ADAMTS3: variants seen among roughly 807,000 people sequenced by gnomAD.
The protein encoded by ADAMTS3 is ADAM metallopeptidase with thrombospondin type 1 motif 3, also known as A disintegrin and metalloproteinase with thrombospondin motifs 3.
ADAMTS3 carries 73 observed loss-of-function variants against 129.0 expected under a neutral mutation model. That is an observed-to-expected ratio of 0.57 (90% confidence interval 0.47 to 0.69). ADAMTS3 has a LOEUF of 0.69. Ranked by LOEUF, ADAMTS3 falls within the 30% of genes least tolerant of loss-of-function variation. ADAMTS3 has a pLI of 0.00. For missense variants in ADAMTS3, 1,457 were observed against 1,514.5 expected (o/e 0.96, Z 0.63); for synonymous variants, 477 against 510.8 (o/e 0.93, Z 0.89).
At chr4:72,529,019 G>A (rs1452530133) in intron 3 of ADAMTS3, among the ~76,000 whole-genome samples, 1 of 152,070 alleles carries the variant, frequency 6.6e-6, no homozygotes, top group Non-Finnish European at 1.5e-5. Flanking sequence ...CAGGGTTTCT[G>A]CTTTAGCTAG....
chr4:72,424,381 A>G (rs1286374251), intron 3 of ADAMTS3, among the ~76,000 whole-genome samples: 1 of 152,070 alleles, frequency 6.6e-6, no homozygotes. Flanking sequence ...GTTCTTATCA[A>G]AATACAGGCG....
At chr4:72,325,387 A>G (rs1168516882) in intron 5 of ADAMTS3, among the ~76,000 whole-genome samples, 2 of 152,122 alleles carry the variant, frequency 1.3e-5, no homozygotes, top group African/African-American at 2.4e-5. Context: ...TCATTATCTG[A>G]TAACATATTC....
At chr4:72,490,247 G>A (rs1428109525) in intron 3 of ADAMTS3, among the ~76,000 whole-genome samples, 1 of 151,796 alleles carries the variant, frequency 6.6e-6, no homozygotes. Flanking sequence ...CATGTATTTT[G>A]CATGTTAACC....
chr4:72,533,673 A>ATCTG (rs1721110061), intron 3 of ADAMTS3, among the ~76,000 whole-genome samples: 1 of 151,372 alleles, frequency 6.6e-6, no homozygotes, highest in Non-Finnish European at 1.5e-5. Flanking sequence ...GTATATGCAC[A>ATCTG]TATATGCACA....
rs1362321618 is a variant in ADAMTS3, at chr4:72,283,211, C to T, written c.3543G>A (p.Gln1181=). Residue 1181 remains glutamine (Q), a synonymous_variant, in exon 22 of 22, where the codon CAG becomes CAA. Transcript: ENST00000286657. The part of the protein sequence containing the change: ...AASDSIGASS[Q]ARTSKKDGKI... The stretch of plus-strand genomic sequence containing the variant: ...TTCCATCTTTCTTTGAGGTTCTTGC[C>T]TGAGAAGAAGCACCTATTGAATCAC... 3 of 1,613,846 alleles carry T rather than the reference C, an allele frequency of 1.9e-6. No homozygotes were observed. The South Asian group carries it at 3.3e-5, about 18-fold the overall frequency.
At position 72,405,329 on chromosome 4, in the gene ADAMTS3, G is replaced by GTA. The variant is rs1013745969; in HGVS notation, c.661+9484_661+9485dup. Among the ~76,000 whole-genome samples the GTA allele has an allele frequency of 4.6e-5, 7 of 152,040 alleles. No individual in the cohort carries two copies. In the South Asian group the frequency reaches 6.2e-4, roughly 14 times the overall value. ...TAGATGAATAGATAAAGAAAATGTGGTATATATATACATGGAATATTATCC... is the reference window on the plus strand; with the variant it reads ...TAGATGAATAGATAAAGAAAATGTGGTATATATATATACATGGAATATTATCC... On this transcript the variant is annotated intron_variant, in intron 4 of 21. Coordinates refer to ENST00000286657, the MANE Select transcript of ADAMTS3 (RefSeq NM_014243.3).
chr4:72,387,651 G>A (rs942725014), intron 4 of ADAMTS3, among the ~76,000 whole-genome samples: 22 of 152,108 alleles, frequency 1.4e-4, no homozygotes, highest in Non-Finnish European at 2.1e-4. Flanking sequence ...AGGCTAATTA[G>A]CAAATAGAGG....
At chr4:72,369,358 T>G (rs571548003) in intron 4 of ADAMTS3, among the ~76,000 whole-genome samples, 90 of 152,054 alleles carry the variant, frequency 5.9e-4, no homozygotes, top group Middle Eastern at 6.8e-3. Flanking sequence ...AGGAGACACT[T>G]GCTGCCAACT....
Position 72,281,604 on chromosome 4 carries a change from C to G in ADAMTS3, c.*1532G>C, listed in dbSNP as rs775742719. 1 of 152,136 alleles carries G rather than the reference C, an allele frequency of 6.6e-6. No individual in the cohort carries two copies. The highest frequency in any genetic ancestry group is 1.5e-5 in the Non-Finnish European group (1 of 68,012). The allele number at this position is 152,136 out of a possible 1,614,324, so 9.4% of individuals were successfully genotyped here. ...AATTTAATGTTTCCTTGAAGGGAAACAAGTCATCAACTTAATATCAACTAC... is the reference window on the plus strand; with the variant it reads ...AATTTAATGTTTCCTTGAAGGGAAAGAAGTCATCAACTTAATATCAACTAC... On this transcript the variant is annotated 3_prime_UTR_variant, in exon 22 of 22. Transcript: ENST00000286657.
At chr4:72,485,901 G>A (rs1719578732) in intron 3 of ADAMTS3, among the ~76,000 whole-genome samples, 1 of 152,188 alleles carries the variant, frequency 6.6e-6, no homozygotes, top group African/African-American at 2.4e-5. Context: ...CACCATGTGA[G>A]GATGTAGCAA....
At position 72,550,034 on chromosome 4, in the gene ADAMTS3, GAA is replaced by G. The variant is rs1721590963; in HGVS notation, c.98-1152_98-1151del. On this transcript the variant is annotated intron_variant, in intron 2 of 21. Transcript: ENST00000286657. ...AGAAGAAGAAGAAGAAGAAGAAGAAGAAGAAGAAGAGGAAGAGGAAGAGGAAG... is the reference window on the plus strand; with the variant it reads ...AGAAGAAGAAGAAGAAGAAGAAGAAGGAAGAAGAGGAAGAGGAAGAGGAAG... Among the ~76,000 whole-genome samples, 10 of 5,922 alleles carry G rather than the reference GAA, an allele frequency of 1.7e-3. 1 individual carries two copies. Among genetic ancestry groups the G allele is most frequent in the African/African-American group, 5.8e-3 (9 of 1,558 alleles). 3.9% of individuals were successfully genotyped at this position (5,922 alleles called of 152,430 possible). A position where few individuals can be genotyped will look rare whatever the true frequency, so the allele number is the denominator to read the frequency against.
chr4:72,549,979 AG>A (rs1464462106), intron 2 of ADAMTS3, among the ~76,000 whole-genome samples: 1 of 30,250 alleles, frequency 3.3e-5, no homozygotes, highest in African/African-American at 2.2e-4. Flanking sequence ...AAGAAGAAGA[AG>A]AAGAAGAAGA....
At chr4:72,566,441 T>G (rs1295342394) in intron 2 of ADAMTS3, among the ~76,000 whole-genome samples, 3 of 152,168 alleles carry the variant, frequency 2.0e-5, no homozygotes, top group African/African-American at 7.2e-5. Flanking sequence ...CATGAAACAA[T>G]CAACACTGTG....
chr4:72,565,681 C>T (rs1722005180), intron 2 of ADAMTS3, among the ~76,000 whole-genome samples: 2 of 152,220 alleles, frequency 1.3e-5, no homozygotes. Context: ...TTCAGCACTA[C>T]ACCCTAAGAG....
chr4:72,320,644 C>T (rs1329401000), intron 7 of ADAMTS3, 70 bp downstream of exon 7: 1 of 1,500,940 alleles, frequency 6.7e-7, no homozygotes, highest in East Asian at 2.3e-5. Context: ...TTTGAACAGA[C>T]TGCCTGATTT....
intron 3 of ADAMTS3, among the ~76,000 whole-genome samples, chr4:72,427,654 A>G (rs966690729): frequency 1.4e-4 from 21 of 152,096 alleles, no homozygotes; most frequent in Non-Finnish European, 2.6e-4. Context: ...AAGAAGAAAA[A>G]AAGAAGAGAA....
rs202031187 is a variant in ADAMTS3 at position 72,319,946 on chromosome 4, C to T, written c.1120G>A (p.Gly374Ser). 1.3e-5 allele frequency: 21 copies of T among 1,613,110 alleles called. No homozygotes were observed. Among genetic ancestry groups the T allele is most frequent in the Non-Finnish European group, 1.7e-5 (20 of 1,179,358 alleles). Residue 374 changes from glycine to serine, a missense_variant, in exon 8 of 22, where the codon GGC becomes AGC. Transcript: ENST00000286657. ...AGMQGYAPVT[G>S]MCHPVRSCTL... Reference sequence around the variant, plus strand: ...CAACTTCTCACTGGATGACACATGCCGGTGACTGGAGCATATCCTGTAGAG... The same window carrying T: ...CAACTTCTCACTGGATGACACATGCTGGTGACTGGAGCATATCCTGTAGAG...
chr4:72,489,366 A>G (rs1167029628), intron 3 of ADAMTS3, among the ~76,000 whole-genome samples: 1 of 151,966 alleles, frequency 6.6e-6, no homozygotes, highest in Non-Finnish European at 1.5e-5. Context: ...TCCAGAAGTA[A>G]CAATTCATAA....
intron 3 of ADAMTS3, among the ~76,000 whole-genome samples, chr4:72,530,420 T>C (rs1252480954): frequency 2.4e-5 from 2 of 84,674 alleles, no homozygotes; most frequent in Admixed American, 4.5e-4. Flanking sequence ...ATATAATATA[T>C]ATTAAATTAA....
Sources: gnomAD v4.1 joint callset for allele counts (sites outside exome capture counted in the v4.1 genomes callset) on GRCh38, gnomAD v4.1.1 for gene constraint, MANE v1.5 for transcripts, NCBI Gene and HGNC (gene_info 2026-07-23, HGNC 2026-07-21) for gene names.